XG: variants seen among roughly 807,000 people sequenced by gnomAD.
The protein encoded by XG is Xg glycoprotein (Xg blood group).
Under a neutral mutation model 25.7 loss-of-function variants are expected in XG, and 24 were observed. The ratio of observed to expected loss-of-function variants is 0.93; its 90% CI spans 0.68 to 1.31. The LOEUF (loss-of-function observed/expected upper bound fraction) is 1.31, where lower values mean the gene tolerates loss of function less well. XG is among the 40% of genes most tolerant of loss of function. The pLI, the probability that XG is intolerant of heterozygous loss-of-function variation, is 0.00. For synonymous variants in XG, 77 were observed against 69.2 expected, an observed-to-expected ratio of 1.11 and a Z score of -0.56; for missense variants, 181 against 187.6, an observed-to-expected ratio of 0.96 and a Z score of 0.21.
At chrX:2,771,783 T>C (rs1017192773) in intron 2 of XG, among the ~76,000 whole-genome samples, 1 of 152,188 alleles carries the variant, frequency 6.6e-6, no homozygotes, top group Admixed American at 6.5e-5. Context: ...AACAAGATGA[T>C]AGGAACTCAT....
In XG at chrX:2,815,457, C is replaced by A. The variant is rs770168793; in HGVS notation, c.*1077C>A. On this transcript the variant is annotated 3_prime_UTR_variant, in exon 11 of 11. Coordinates refer to ENST00000644266, the MANE Select transcript of XG (RefSeq NM_001141919.2). ...TATATATGGGGCCCATAAAAATTCC[C>A]AGTATGCATGTTTTATGCTCACCAT... 5.4e-5 allele frequency: 6 copies of A among 111,746 alleles called. No individual in the cohort carries two copies. The highest frequency in any genetic ancestry group is 1.1e-4 in the Non-Finnish European group (6 of 53,142). 9.2% of individuals were successfully genotyped at this position (111,746 alleles called of 1,213,427 possible). A position where few individuals can be genotyped will look rare whatever the true frequency, so the allele number is the denominator to read the frequency against.
chrX:2,764,806 C>T (rs184243235), intron 1 of XG, among the ~76,000 whole-genome samples: 10 of 151,762 alleles, frequency 6.6e-5, no homozygotes, highest in African/African-American at 9.7e-5. Context: ...TTTGGGAGGC[C>T]GAGGCGGGTG....
chrX:2,773,844 A>AAGGAAGGAAGAAGGG lies in XG; in HGVS notation c.104-868_104-854dup, dbSNP rs750330524. On this transcript the variant is annotated intron_variant, in intron 2 of 10. Transcript: ENST00000644266. The stretch of plus-strand genomic sequence containing the variant: ...GAGAGAAGGAAGGAAGGAGAGAAGG[A>AAGGAAGGAAGAAGGG]AGGAAGGAAGAAGGGAGGGCAGGAA... 3.9e-3 allele frequency among the ~76,000 whole-genome samples: 578 copies of AAGGAAGGAAGAAGGG among 148,654 alleles called. 6 individuals are homozygous for AAGGAAGGAAGAAGGG. Among genetic ancestry groups the AAGGAAGGAAGAAGGG allele is most frequent in the Middle Eastern group, 7.1e-3 (2 of 282 alleles).
At chrX:2,756,801 G>A (rs28585571) in intron 1 of XG, among the ~76,000 whole-genome samples, 2,009 of 152,292 alleles carry the variant, frequency 0.013, 39 homozygotes, top group African/African-American at 0.044. Flanking sequence ...AGACGGGCAG[G>A]TGCAGCAGCT....
At chrX:2,801,827 G>C (rs1418124897) in intron 7 of XG, among the ~76,000 whole-genome samples, 2 of 110,987 alleles carry the variant, frequency 1.8e-5, no homozygotes, top group African/African-American at 6.6e-5. Context: ...TCCTGCCTCA[G>C]CCTCCCGAGT....
In XG at chrX:2,811,454, T is replaced by A; in HGVS notation, c.571+2T>A. ...GGAGAAATTGTTTCAGGACCCATGG[T>A]AAGTTTGGCTCTAAACATTGTTTTG... On this transcript the variant is annotated splice_donor_variant, in intron 10 of 10. Transcript: ENST00000644266. LOFTEE classifies it high-confidence loss of function. 1 of 1,179,739 alleles carries A rather than the reference T, an allele frequency of 8.5e-7. No homozygotes were observed.
At chrX:2,777,311 T>G (rs1222002886) in intron 3 of XG, among the ~76,000 whole-genome samples, 1 of 152,194 alleles carries the variant, frequency 6.6e-6, no homozygotes, top group Non-Finnish European at 1.5e-5. Context: ...TGCTGGATTT[T>G]GACATTTTAA....
intron 1 of XG, among the ~76,000 whole-genome samples, chrX:2,760,779 G>T (rs1440572938): frequency 1.3e-5 from 2 of 150,178 alleles, no homozygotes; most frequent in Non-Finnish European, 3.0e-5. Flanking sequence ...GCAAAATGAG[G>T]TCACTAGGTT....
At chrX:2,784,593 GAAAAA>G (rs1018482489) in intron 4 of XG, among the ~76,000 whole-genome samples, 1 of 104,075 alleles carries the variant, frequency 9.6e-6, no homozygotes, top group African/African-American at 3.5e-5. Context: ...AAAAGAATAA[GAAAAA>G]AAAAACTTAA....
intron 4 of XG, among the ~76,000 whole-genome samples, chrX:2,783,897 T>C (rs138015492): frequency 0.024 from 2,636 of 111,609 alleles, 72 homozygotes; most frequent in African/African-American, 0.081. Flanking sequence ...ATTACTTGAA[T>C]CCAGGAGAGG....
intron 2 of XG, 128 bp from the exon 3 acceptor site, chrX:2,774,588 C>CTA (rs2050933257): frequency 2.0e-6 from 2 of 1,007,782 alleles, no homozygotes; most frequent in Middle Eastern, 2.2e-4. Flanking sequence ...GAATTTGTGT[C>CTA]TATATCATTT....
intron 1 of XG, among the ~76,000 whole-genome samples, chrX:2,754,248 G>A (rs1400773251): frequency 6.6e-6 from 1 of 152,082 alleles, no homozygotes; most frequent in Non-Finnish European, 1.5e-5. Context: ...ACAGGCATTT[G>A]CCGCTGTGCC....
chrX:2,768,630 T>C (rs951855450), intron 1 of XG, among the ~76,000 whole-genome samples: 3 of 152,108 alleles, frequency 2.0e-5, no homozygotes, highest in Admixed American at 6.5e-5. Flanking sequence ...TAGCTGGGCG[T>C]GATGGCATGC....
chrX:2,765,091 TA>T (rs2050650221), intron 1 of XG, among the ~76,000 whole-genome samples: 1 of 137,792 alleles, frequency 7.3e-6, no homozygotes, highest in Non-Finnish European at 1.5e-5. Context: ...CTCATGCCTG[TA>T]ATCTCCGCAC....
chrX:2,755,099 C>T (rs2050406655), intron 1 of XG, among the ~76,000 whole-genome samples: 1 of 152,126 alleles, frequency 6.6e-6, no homozygotes, highest in Admixed American at 6.6e-5. Flanking sequence ...AGAATCATCC[C>T]TCCTCCAAGT....
chrX:2,805,595 T>A, intron 7 of XG, among the ~76,000 whole-genome samples: 1 of 99,792 alleles, frequency 1.0e-5, no homozygotes. Context: ...ATTGATTCTC[T>A]CACCGTCCTA....
intron 1 of XG, among the ~76,000 whole-genome samples, chrX:2,766,288 G>A (rs375357155): frequency 9.2e-5 from 14 of 151,854 alleles, no homozygotes; most frequent in East Asian, 3.9e-4. Flanking sequence ...TTACAGGCAC[G>A]CACCACCACG....
At chrX:2,762,021 C>A (rs1308094170) in intron 1 of XG, among the ~76,000 whole-genome samples, 1 of 152,120 alleles carries the variant, frequency 6.6e-6, no homozygotes, top group African/African-American at 2.4e-5. Context: ...GTGTCTTGGG[C>A]CCAGACAGAC....
rs1027385621 is a variant in XG, at chrX:2,763,921, C to T, written c.62-6629C>T. ...GGGAGGTGTTCGAACCAGGGCAACTCCAGGTTGAGTAGGGGCTGTGTAAAA... is the reference window on the plus strand; with the variant it reads ...GGGAGGTGTTCGAACCAGGGCAACTTCAGGTTGAGTAGGGGCTGTGTAAAA... On this transcript the variant is annotated intron_variant, in intron 1 of 10. Coordinates refer to ENST00000644266, the MANE Select transcript of XG (RefSeq NM_001141919.2). Among the ~76,000 whole-genome samples the T allele has an allele frequency of 1.2e-4, 19 of 152,128 alleles. 1 individual carries two copies. Among genetic ancestry groups the T allele is most frequent in the African/African-American group, 4.3e-4 (18 of 41,396 alleles).
Sources: gnomAD v4.1 joint callset for allele counts (sites outside exome capture counted in the v4.1 genomes callset) on GRCh38, gnomAD v4.1.1 for gene constraint, MANE v1.5 for transcripts, NCBI Gene and HGNC (gene_info 2026-07-23, HGNC 2026-07-21) for gene names.